The following XXYLT1 variants were observed in gnomAD, a reference collection of about 807,000 sequenced individuals.
XXYLT1 encodes the protein xyloside xylosyltransferase 1, also known as UDP-xylose:alpha-xyloside alpha-1,3-xylosyltransferase.
In XXYLT1, 20 loss-of-function variants were observed where a neutral mutation model predicts 28.9. That is an observed-to-expected ratio of 0.69 (90% CI 0.49 to 1.00). The LOEUF (loss-of-function observed/expected upper bound fraction) is 1.00. Among genes scored for constraint, XXYLT1 ranks in the 50% least tolerant of loss-of-function variants. The pLI, the probability that XXYLT1 is intolerant of heterozygous loss-of-function variation, is 0.00. For missense variants in XXYLT1, 542 were observed against 560.1 expected, an observed-to-expected ratio of 0.97 and a Z score of 0.33; for synonymous variants, 257 against 253.8, an observed-to-expected ratio of 1.01 and a Z score of -0.12.
intron 3 of XXYLT1, among the ~76,000 whole-genome samples, chr3:195,112,136 G>A (rs1323172709): frequency 5.3e-5 from 8 of 152,284 alleles, no homozygotes; most frequent in Admixed American, 2.6e-4. Flanking sequence ...TAAAACCCAC[G>A]AGACCATTTC....
intron 2 of XXYLT1, among the ~76,000 whole-genome samples, chr3:195,185,310 CCAT>C (rs1231295704): frequency 1.3e-5 from 2 of 152,014 alleles, no homozygotes; most frequent in African/African-American, 2.4e-5. Flanking sequence ...AGGGAATATT[CCAT>C]CGTGGTCATC....
At chr3:195,238,378 A>G (rs999384151) in intron 1 of XXYLT1, among the ~76,000 whole-genome samples, 1 of 152,100 alleles carries the variant, frequency 6.6e-6, no homozygotes, top group Admixed American at 6.6e-5. Flanking sequence ...AACACCCTGC[A>G]TCGCATGGGG....
intron 1 of XXYLT1, among the ~76,000 whole-genome samples, chr3:195,229,456 A>C (rs376952314): frequency 6.6e-6 from 1 of 152,134 alleles, no homozygotes; most frequent in Non-Finnish European, 1.5e-5. Flanking sequence ...TAGTCATCCT[A>C]TTGTGCTAGC....
intron 2 of XXYLT1, among the ~76,000 whole-genome samples, chr3:195,182,381 C>T (rs1721995345): frequency 6.6e-6 from 1 of 152,236 alleles, no homozygotes; most frequent in African/African-American, 2.4e-5. Context: ...TGTTTATCTA[C>T]TGAAAGTAAT....
chr3:195,243,786 A>G (rs573950363), intron 1 of XXYLT1, among the ~76,000 whole-genome samples: 54 of 152,338 alleles, frequency 3.5e-4, no homozygotes, highest in African/African-American at 1.3e-3. Context: ...CAGTTTTTAC[A>G]AGGAAAGAAA....
At position 195,069,391 on chromosome 3, in the gene XXYLT1, A is replaced by C. The variant is rs982567824; in HGVS notation, c.*324T>G. On this transcript the variant is annotated 3_prime_UTR_variant, in exon 4 of 4. Transcript: ENST00000310380. ...AAAAGGCCGGGTCTAAAGGATTTCCATTCCTCAGAGGCAGACAGCAAGGGG... is the reference window on the plus strand; with the variant it reads ...AAAAGGCCGGGTCTAAAGGATTTCCCTTCCTCAGAGGCAGACAGCAAGGGG... 9.5e-6 allele frequency: 3 copies of C among 316,424 alleles called. No homozygotes were observed. The highest frequency in any genetic ancestry group is 1.7e-5 in the Non-Finnish European group (3 of 171,574). The allele number at this position is 316,424 out of a possible 1,614,324, so 19.6% of individuals were successfully genotyped here.
chr3:195,102,656 G>A lies in XXYLT1; in HGVS notation c.786-32545C>T, dbSNP rs187862669. On this transcript the variant is annotated intron_variant, in intron 3 of 3. Transcript: ENST00000310380. ...CTTTTTAAAGGCCGAGTAATATTCCGTTTTGTGTGTGTGTGTGTGTGTCTT... is the reference window on the plus strand; with the variant it reads ...CTTTTTAAAGGCCGAGTAATATTCCATTTTGTGTGTGTGTGTGTGTGTCTT... Among the ~76,000 whole-genome samples, 1,100 of 150,784 alleles carry A rather than the reference G, an allele frequency of 7.3e-3. 8 individuals carry two copies. The highest frequency in any genetic ancestry group is 0.026 in the African/African-American group (1,035 of 40,428).
chr3:195,087,824 C>T (rs1344122037), intron 3 of XXYLT1, among the ~76,000 whole-genome samples: 15 of 151,966 alleles, frequency 9.9e-5, no homozygotes, highest in East Asian at 1.9e-4. Flanking sequence ...AGTGGGTGCG[C>T]GCACCGTGCG....
At chr3:195,092,411 A>G (rs1258896534) in intron 3 of XXYLT1, among the ~76,000 whole-genome samples, 1 of 149,452 alleles carries the variant, frequency 6.7e-6, no homozygotes, top group Non-Finnish European at 1.5e-5. Context: ...CAAACCTGAC[A>G]AAAACAAGTA....
chr3:195,222,573 A>G (rs748716451), intron 2 of XXYLT1, among the ~76,000 whole-genome samples: 7 of 152,184 alleles, frequency 4.6e-5, no homozygotes, highest in Non-Finnish European at 1.0e-4. Context: ...AGAGAAAATA[A>G]TCTGTATGCA....
rs890219050 is a variant in XXYLT1, at chr3:195,115,616, G to A, written c.785+40833C>T. ...TCAGGAGCCACAGTGGAAGTGGTTTGGAAAGCACAGCTATTTACAGGACGA... is the reference window on the plus strand; with the variant it reads ...TCAGGAGCCACAGTGGAAGTGGTTTAGAAAGCACAGCTATTTACAGGACGA... On this transcript the variant is annotated intron_variant, in intron 3 of 3. Transcript: ENST00000310380. The surrounding 1 kb of genome is among the most constrained non-coding windows in gnomAD (Gnocchi z 4.2). Among the ~76,000 whole-genome samples the A allele has an allele frequency of 2.0e-5, 3 of 152,198 alleles. No homozygotes were observed. The South Asian group carries it at 6.2e-4, about 32-fold the overall frequency.
intron 3 of XXYLT1, among the ~76,000 whole-genome samples, chr3:195,074,519 G>A (rs185012448): frequency 1.3e-5 from 2 of 152,208 alleles, no homozygotes; most frequent in Non-Finnish European, 2.9e-5. Flanking sequence ...AGTCATCCAA[G>A]ATGAGAGTCC....
At chr3:195,109,617 AGT>A (rs1717363654) in intron 3 of XXYLT1, among the ~76,000 whole-genome samples, 1 of 11,162 alleles carries the variant, frequency 9.0e-5, no homozygotes, top group South Asian at 1.8e-3. Flanking sequence ...GTGTTGTATG[AGT>A]GTGTGTGGTG....
At chr3:195,187,349 C>G (rs1722246994) in intron 2 of XXYLT1, among the ~76,000 whole-genome samples, 1 of 152,182 alleles carries the variant, frequency 6.6e-6, no homozygotes, top group South Asian at 2.1e-4. Flanking sequence ...AGGCGTGAGC[C>G]ACCATGCCCG....
In XXYLT1 at chr3:195,255,603, A is replaced by C. The variant is rs1725448466; in HGVS notation, c.504+14952T>G. On this transcript the variant is annotated intron_variant, in intron 1 of 3. Transcript: ENST00000310380. This position sits in a 1 kb window ranked among gnomAD's most constrained non-coding sequence, Gnocchi z 4.5. The stretch of plus-strand genomic sequence containing the variant: ...GTGTCAGGCTAGAAACCAAAACAGA[A>C]GACAAACCGGCGCACAGAGCAAGCA... Among the ~76,000 whole-genome samples the C allele has an allele frequency of 6.6e-6, 1 of 152,200 alleles. No individual in the cohort carries two copies. Among genetic ancestry groups the C allele is most frequent in the African/African-American group, 2.4e-5 (1 of 41,450 alleles).
At chr3:195,251,381 C>T (rs989659123) in intron 1 of XXYLT1, among the ~76,000 whole-genome samples, 5 of 152,246 alleles carry the variant, frequency 3.3e-5, no homozygotes, top group Middle Eastern at 3.2e-3. Context: ...GGGCTATCCA[C>T]AGGTTAGGCA....
At chr3:195,249,008 A>C (rs1725146926) in intron 1 of XXYLT1, among the ~76,000 whole-genome samples, 1 of 152,320 alleles carries the variant, frequency 6.6e-6, no homozygotes, top group South Asian at 2.1e-4. Context: ...ACAGGAGCCA[A>C]ATTAAAATAT....
At chr3:195,122,085 A>G in intron 3 of XXYLT1, 1 of 702,914 alleles carries the variant, frequency 1.4e-6, no homozygotes, top group Non-Finnish European at 2.6e-6. Context: ...TCTGGTGAGG[A>G]CTCACTGCCC....
At chr3:195,100,329 A>T (rs1256966388) in intron 3 of XXYLT1, among the ~76,000 whole-genome samples, 2 of 152,148 alleles carry the variant, frequency 1.3e-5, no homozygotes, top group Non-Finnish European at 2.9e-5. Flanking sequence ...CCTATATGGC[A>T]TGGAAGCCAG....
Sources: allele counts gnomAD v4.1 joint callset (sites outside exome capture counted in the v4.1 genomes callset), GRCh38; gene constraint gnomAD v4.1.1; non-coding constraint Gnocchi (gnomAD v3.1); transcripts MANE v1.5; gene names NCBI Gene and HGNC (gene_info 2026-07-23, HGNC 2026-07-21).